ZBTB20: variants seen among roughly 807,000 people sequenced by gnomAD.
ZBTB20 encodes zinc finger and BTB domain-containing protein 20.
ZBTB20 carries 9 observed loss-of-function variants against 56.9 expected under a neutral mutation model. That is an observed-to-expected ratio of 0.16 (90% CI 0.10 to 0.28). ZBTB20 has a LOEUF of 0.28. ZBTB20 is among the 10% of genes least tolerant of loss of function. ZBTB20 has a pLI of 1.00. For missense variants in ZBTB20, 655 were observed against 1,003.0 expected (o/e 0.65, Z 4.69); for synonymous variants, 417 against 420.7 (o/e 0.99, Z 0.11).
At chr3:114,821,231 T>G (rs1047719897) in intron 4 of ZBTB20, among the ~76,000 whole-genome samples, 2 of 152,172 alleles carry the variant, frequency 1.3e-5, no homozygotes, top group Non-Finnish European at 2.9e-5. Context: ...AGTCACCATC[T>G]GCTACTCAAC....
intron 6 of ZBTB20, among the ~76,000 whole-genome samples, chr3:114,544,634 A>G (rs2953674): frequency 0.99 from 151,200 of 151,990 alleles, 75,213 homozygotes; most frequent in Middle Eastern, 1. Context: ...CTGTCGAGTA[A>G]CTGGAACTAC....
Position 114,792,773 on chromosome 3 carries a change from T to C in ZBTB20, c.-343+8328A>G, listed in dbSNP as rs1241378919. Among the ~76,000 whole-genome samples the C allele has an allele frequency of 2.0e-5, 3 of 152,192 alleles. No individual in the cohort carries two copies. In the East Asian group the frequency reaches 5.8e-4, roughly 29 times the overall value. On this transcript the variant is annotated intron_variant, in intron 5 of 11. Coordinates refer to ENST00000675478, the MANE Select transcript of ZBTB20 (RefSeq NM_001348800.3). ...CCCGTCCATCTCTCTGTCCTGGTTTTACCAAGGGATTCACTTCAAATGTAT... is the reference window on the plus strand; with the variant it reads ...CCCGTCCATCTCTCTGTCCTGGTTTCACCAAGGGATTCACTTCAAATGTAT...
chr3:114,556,337 T>C (rs748954518), intron 6 of ZBTB20, among the ~76,000 whole-genome samples: 9 of 152,034 alleles, frequency 5.9e-5, no homozygotes, highest in Admixed American at 1.3e-4. Flanking sequence ...CCTTAGATAA[T>C]AGGATCACTT....
chr3:114,925,728 A>G (rs955327474), intron 3 of ZBTB20, among the ~76,000 whole-genome samples: 5 of 152,054 alleles, frequency 3.3e-5, no homozygotes, highest in African/African-American at 4.8e-5. Flanking sequence ...GGGTTTCACC[A>G]TGTTAGCCAG....
intron 7 of ZBTB20, among the ~76,000 whole-genome samples, chr3:114,489,293 G>A (rs541934184): frequency 6.0e-4 from 91 of 152,178 alleles, no homozygotes; most frequent in Admixed American, 2.0e-3. Context: ...TCTTAGTAGG[G>A]TGACATCAAT....
chr3:114,999,932 T>A (rs1463277719), intron 2 of ZBTB20, among the ~76,000 whole-genome samples: 2 of 151,754 alleles, frequency 1.3e-5, no homozygotes, highest in Admixed American at 6.6e-5. Context: ...AAAGTCAGCA[T>A]CAACTTTGAA....
rs764855481 is a variant in ZBTB20, at chr3:114,327,354, A to C, written c.*11651T>G. On this transcript the variant is annotated 3_prime_UTR_variant, in exon 12 of 12. Transcript: ENST00000675478. Reference sequence around the variant, plus strand: ...CCTCTCCTCCTCCATATTATACTTTAAATGACAGCATTTTAGGATTTAAAA... The same window carrying C: ...CCTCTCCTCCTCCATATTATACTTTCAATGACAGCATTTTAGGATTTAAAA... The C allele has an allele frequency of 2.0e-5, 3 of 152,166 alleles. No individual in the cohort carries two copies. Among genetic ancestry groups the C allele is most frequent in the Admixed American group, 6.5e-5 (1 of 15,272 alleles). 9.4% of individuals were successfully genotyped at this position (152,166 alleles called of 1,614,324 possible).
chr3:114,968,847 C>T (rs1400798456), intron 3 of ZBTB20, among the ~76,000 whole-genome samples: 5 of 152,230 alleles, frequency 3.3e-5, no homozygotes, highest in South Asian at 2.1e-4. Flanking sequence ...AAACTGTTTA[C>T]GACTCATCTT....
At chr3:114,853,128 T>C (rs2075078565) in intron 4 of ZBTB20, among the ~76,000 whole-genome samples, 2 of 152,224 alleles carry the variant, frequency 1.3e-5, no homozygotes, top group South Asian at 4.1e-4. Context: ...CATCCTGCTT[T>C]TGGCACATGT....
At chr3:114,949,826 G>C (rs554109412) in intron 3 of ZBTB20, among the ~76,000 whole-genome samples, 1 of 152,080 alleles carries the variant, frequency 6.6e-6, no homozygotes, top group South Asian at 2.1e-4. Context: ...AATAAAAGTA[G>C]ATATCTGTAA....
At chr3:114,965,665 A>G (rs929627104) in intron 3 of ZBTB20, among the ~76,000 whole-genome samples, 6 of 152,104 alleles carry the variant, frequency 3.9e-5, no homozygotes, top group South Asian at 2.1e-4. Context: ...ATTATTATCT[A>G]TTCCTCCATT....
intron 2 of ZBTB20, among the ~76,000 whole-genome samples, chr3:115,035,034 C>T (rs1048479347): frequency 2.0e-5 from 3 of 151,938 alleles, no homozygotes; most frequent in African/African-American, 4.8e-5. Context: ...AACTTCAATC[C>T]TTACCTAACA....
intron 6 of ZBTB20, among the ~76,000 whole-genome samples, chr3:114,683,344 T>C (rs1359370693): frequency 6.6e-6 from 1 of 152,174 alleles, no homozygotes; most frequent in Non-Finnish European, 1.5e-5. Flanking sequence ...GTCTTATTAA[T>C]CTGTCTCATG....
intron 6 of ZBTB20, among the ~76,000 whole-genome samples, chr3:114,576,505 A>T: frequency 1.7e-5 from 1 of 57,712 alleles, no homozygotes. Flanking sequence ...CCGTCTCAAA[A>T]AAAAAAAAAA....
At chr3:114,588,620 C>T (rs532576416) in intron 6 of ZBTB20, among the ~76,000 whole-genome samples, 89 of 152,202 alleles carry the variant, frequency 5.8e-4, no homozygotes, top group Admixed American at 4.3e-3. Flanking sequence ...GAAAAATCCC[C>T]ATGCCTGAAG....
chr3:114,329,741 C>CAAT lies in ZBTB20; in HGVS notation c.*9263_*9264insATT, dbSNP rs2079184864. 1 of 77,366 alleles carries CAAT rather than the reference C, an allele frequency of 1.3e-5. No individual in the cohort carries two copies. 4.8% of individuals were successfully genotyped at this position (77,366 alleles called of 1,614,324 possible). On this transcript the variant is annotated 3_prime_UTR_variant, in exon 12 of 12. Coordinates refer to ENST00000675478, the MANE Select transcript of ZBTB20 (RefSeq NM_001348800.3). ...AAAAAAAAAAAAAAAAAAAAAACAA[C>CAAT]TCCCAGGAAAATGAACACTATATTG...
intron 4 of ZBTB20, among the ~76,000 whole-genome samples, chr3:114,848,510 A>G (rs1334802515): frequency 6.6e-6 from 1 of 152,204 alleles, no homozygotes; most frequent in Non-Finnish European, 1.5e-5. Context: ...GCTCTCGTCC[A>G]AACAGAGAAA....
At chr3:114,844,860 C>CTTTTTTTTTTTTT (rs11396350) in intron 4 of ZBTB20, among the ~76,000 whole-genome samples, 24 of 130,244 alleles carry the variant, frequency 1.8e-4, no homozygotes, top group Non-Finnish European at 2.9e-4. Context: ...TTTTCTTTTT[C>CTTTTTTTTTTTTT]TTTTTTTTTT....
At chr3:114,927,720 A>G (rs561122778) in intron 3 of ZBTB20, among the ~76,000 whole-genome samples, 56 of 152,318 alleles carry the variant, frequency 3.7e-4, no homozygotes, top group African/African-American at 1.3e-3. Context: ...CACACATCCA[A>G]GTGTAAAATT....
Sources: allele counts gnomAD v4.1 joint callset (sites outside exome capture counted in the v4.1 genomes callset), GRCh38; gene constraint gnomAD v4.1.1; transcripts MANE v1.5; gene names NCBI Gene and HGNC (gene_info 2026-07-23, HGNC 2026-07-21).